LHFPL3: variants seen among roughly 807,000 people sequenced by gnomAD.
LHFPL3 encodes the protein LHFPL tetraspan subfamily member 3, also known as LHFPL tetraspan subfamily member 3 protein.
In LHFPL3, 5 loss-of-function variants were observed where a neutral mutation model predicts 19.3. The observed-to-expected ratio is 0.26, with a 90% CI of 0.14 to 0.54. The LOEUF is 0.54. LHFPL3 is among the 20% of genes least tolerant of loss of function. The probability of loss-of-function intolerance (pLI) is 0.94; values close to 1 mark genes in which losing one functional copy is unlikely to be tolerated. For synonymous variants in LHFPL3, 133 were observed against 126.2 expected (o/e 1.05, Z -0.36); for missense variants, 249 against 307.4 (o/e 0.81, Z 1.42).
intron 1 of LHFPL3, among the ~76,000 whole-genome samples, chr7:104,461,161 G>T (rs1244428228): frequency 6.6e-5 from 10 of 152,192 alleles, no homozygotes; most frequent in Non-Finnish European, 1.3e-4. Context: ...ATGCTGGCAG[G>T]AGAGAGAATG....
intron 1 of LHFPL3, among the ~76,000 whole-genome samples, chr7:104,594,115 A>C (rs1790789414): frequency 6.6e-6 from 1 of 152,194 alleles, no homozygotes; most frequent in South Asian, 2.1e-4. Context: ...TAATTGATGC[A>C]GTTTCTTCAT....
rs75824821 is a variant in LHFPL3 at position 104,384,036 on chromosome 7, T to C, written c.445+54812T>C. On this transcript the variant is annotated intron_variant, in intron 1 of 2. Transcript: ENST00000424859. ...CCTTTTCCACCTGCAACCTGTATGATGGGAGAAGTAGAAATGAGGGAAATT... is the reference window on the plus strand; with the variant it reads ...CCTTTTCCACCTGCAACCTGTATGACGGGAGAAGTAGAAATGAGGGAAATT... Among the ~76,000 whole-genome samples the C allele has an allele frequency of 3.4e-4, 52 of 152,166 alleles. No homozygotes were observed. In the East Asian group the frequency reaches 8.7e-3, roughly 25 times the overall value.
Position 104,489,274 on chromosome 7 carries a change from G to A in LHFPL3, c.445+160050G>A, listed in dbSNP as rs1378765597. Among the ~76,000 whole-genome samples, 2 of 38,616 alleles carry A rather than the reference G, an allele frequency of 5.2e-5. 1 individual carries two copies. Among genetic ancestry groups the A allele is most frequent in the Admixed American group, 4.2e-4 (2 of 4,810 alleles). The allele number at this position is 38,616 out of a possible 152,430, so 25.3% of individuals were successfully genotyped here. A position where few individuals can be genotyped will look rare whatever the true frequency, so the allele number is the denominator to read the frequency against. On this transcript the variant is annotated intron_variant, in intron 1 of 2. Coordinates refer to ENST00000424859, the MANE Select transcript of LHFPL3 (RefSeq NM_199000.3). ...ATTTTTTGTATTTTTAGTAGAGACG[G>A]GGTTTCACCGTTTTTAGCCGGGATG...
chr7:104,882,943 G>A (rs371768099), intron 2 of LHFPL3, among the ~76,000 whole-genome samples: 13 of 152,324 alleles, frequency 8.5e-5, no homozygotes, highest in East Asian at 3.9e-4. Context: ...ATTCCCGCAT[G>A]TAGAACTTTC....
chr7:104,710,437 A>G (rs1215106800), intron 1 of LHFPL3, among the ~76,000 whole-genome samples: 7 of 152,176 alleles, frequency 4.6e-5, no homozygotes, highest in African/African-American at 1.7e-4. Flanking sequence ...CAGTCTCACC[A>G]ATTCTTAGGT....
At chr7:104,491,094 C>G (rs1458847681) in intron 1 of LHFPL3, among the ~76,000 whole-genome samples, 1 of 152,142 alleles carries the variant, frequency 6.6e-6, no homozygotes, top group African/African-American at 2.4e-5. Context: ...AGAACAGAAG[C>G]CATGGGCCTC....
intron 1 of LHFPL3, among the ~76,000 whole-genome samples, chr7:104,363,347 G>T (rs1790426171): frequency 6.6e-6 from 1 of 152,198 alleles, no homozygotes; most frequent in Admixed American, 6.5e-5. Flanking sequence ...TTCTCTGTTG[G>T]TATATTTTAA....
intron 1 of LHFPL3, among the ~76,000 whole-genome samples, chr7:104,562,049 T>G (rs1469189631): frequency 6.6e-6 from 1 of 150,880 alleles, no homozygotes. Flanking sequence ...TGCTGAGAGA[T>G]CCGCTGTTAG....
chr7:104,679,865 G>A (rs1180131670), intron 1 of LHFPL3, among the ~76,000 whole-genome samples: 2 of 152,266 alleles, frequency 1.3e-5, no homozygotes, highest in Admixed American at 6.5e-5. Flanking sequence ...GGAAGAGAGC[G>A]ACACGCATAA....
In LHFPL3 at chr7:104,810,654, A is replaced by T. The variant is rs189019335; in HGVS notation, c.682+73743A>T. ...CATATCATTTTTTGTCCAAACAGGC[A>T]CATGTTCAGAAATAAAAGGAGGTGT... On this transcript the variant is annotated intron_variant, in intron 2 of 2. Transcript: ENST00000424859. Among the ~76,000 whole-genome samples, 342 of 152,288 alleles carry T rather than the reference A, an allele frequency of 2.2e-3. 2 individuals are homozygous for T. Among genetic ancestry groups the T allele is most frequent in the African/African-American group, 8.1e-3 (335 of 41,546 alleles).
chr7:104,688,384 C>A (rs189608980), intron 1 of LHFPL3, among the ~76,000 whole-genome samples: 93 of 152,196 alleles, frequency 6.1e-4, no homozygotes, highest in African/African-American at 2.1e-3. Flanking sequence ...GAGTGGCTGA[C>A]CTGCAATGAA....
At chr7:104,864,796 C>T (rs1235685622) in intron 2 of LHFPL3, among the ~76,000 whole-genome samples, 1 of 152,224 alleles carries the variant, frequency 6.6e-6, no homozygotes, top group Non-Finnish European at 1.5e-5. Flanking sequence ...ACTGCCTCCT[C>T]AAGTGGGTCC....
rs959871198 is a variant in LHFPL3 at position 104,864,048 on chromosome 7, T to C, written c.683-42139T>C. On this transcript the variant is annotated intron_variant, in intron 2 of 2. Coordinates refer to ENST00000424859, the MANE Select transcript of LHFPL3 (RefSeq NM_199000.3). ...TGTATAACTGTTAGCTATTATTCTT[T>C]ACTCCATCAACATTTTGTTAATTTT... Among the ~76,000 whole-genome samples the C allele has an allele frequency of 2.0e-5, 3 of 152,252 alleles. No homozygotes were observed. In the South Asian group the frequency reaches 6.2e-4, roughly 32 times the overall value.
chr7:104,586,294 T>A (rs1790575401), intron 1 of LHFPL3, among the ~76,000 whole-genome samples: 1 of 152,054 alleles, frequency 6.6e-6, no homozygotes, highest in Non-Finnish European at 1.5e-5. Context: ...TAGGACATTA[T>A]TTCTTCTTAT....
intron 1 of LHFPL3, among the ~76,000 whole-genome samples, chr7:104,496,743 C>T (rs1461019407): frequency 6.6e-6 from 1 of 152,140 alleles, no homozygotes; most frequent in Non-Finnish European, 1.5e-5. Flanking sequence ...ATTTCCTTAG[C>T]TTAAATATAA....
intron 2 of LHFPL3, among the ~76,000 whole-genome samples, chr7:104,815,102 C>T (rs1233122495): frequency 1.3e-5 from 2 of 152,166 alleles, no homozygotes; most frequent in African/African-American, 4.8e-5. Context: ...GCCCCCCAAC[C>T]CCGAGAGCAC....
chr7:104,621,328 C>T (rs943066268), intron 1 of LHFPL3, among the ~76,000 whole-genome samples: 2 of 152,224 alleles, frequency 1.3e-5, no homozygotes, highest in East Asian at 3.8e-4. Flanking sequence ...CAGTTAATCA[C>T]TCCAGAAACA....
At chr7:104,880,986 C>T (rs9770575) in intron 2 of LHFPL3, among the ~76,000 whole-genome samples, 4 of 151,980 alleles carry the variant, frequency 2.6e-5, no homozygotes, top group African/African-American at 4.8e-5. Context: ...CTGGCTAACA[C>T]AATGAAACCC....
chr7:104,371,614 G>A (rs1371616379), intron 1 of LHFPL3, among the ~76,000 whole-genome samples: 1 of 150,810 alleles, frequency 6.6e-6, no homozygotes, highest in Non-Finnish European at 1.5e-5. Context: ...ATATTACCAT[G>A]ACTTTCCTCA....
Sources: gnomAD v4.1 joint callset for allele counts (sites outside exome capture counted in the v4.1 genomes callset) on GRCh38, gnomAD v4.1.1 for gene constraint, MANE v1.5 for transcripts, NCBI Gene and HGNC (gene_info 2026-07-23, HGNC 2026-07-21) for gene names.